The following DISC1 variants were observed in gnomAD, a reference collection of about 807,000 sequenced individuals.
The protein encoded by DISC1 is disrupted in schizophrenia 1 protein.
In DISC1, 57 loss-of-function variants were observed where a neutral mutation model predicts 84.5. The ratio of observed to expected loss-of-function variants is 0.67; its 90% CI spans 0.55 to 0.84. The LOEUF (loss-of-function observed/expected upper bound fraction) is 0.84. Among genes scored for constraint, DISC1 ranks in the 40% least tolerant of loss-of-function variants. The pLI is 0.00. For synonymous variants in DISC1, 411 were observed against 415.2 expected (o/e 0.99, Z 0.12); for missense variants, 1,000 against 1,057.8 (o/e 0.95, Z 0.76).
chr1:231,800,207 T>C lies in DISC1; in HGVS notation c.1789T>C (p.Ser597Pro). The change falls in exon 8 of 13, where the codon TCA becomes CCA. Residue 597 changes from serine to proline, a missense_variant. Around this residue, in one of 3 missense-constraint regions of DISC1, gnomAD observed 397 missense variants for 377.5 expected, o/e 1.05. Transcript: ENST00000439617. ...ALLEAKMHAI[S>P]GNHFWTAKDL... is the part of the protein sequence containing the mutation. Reference sequence around the variant, plus strand: ...GCTTGAAGCCAAAATGCATGCCATATCAGGTAACTGGCAGTGTAGGAGACG... The same window carrying C: ...GCTTGAAGCCAAAATGCATGCCATACCAGGTAACTGGCAGTGTAGGAGACG... The C allele has an allele frequency of 6.2e-7, 1 of 1,611,074 alleles. No homozygotes were observed. Among genetic ancestry groups the C allele is most frequent in the Non-Finnish European group, 8.5e-7 (1 of 1,178,808 alleles).
At chr1:231,672,630 T>A (rs1314758134) in intron 1 of DISC1, among the ~76,000 whole-genome samples, 1 of 152,192 alleles carries the variant, frequency 6.6e-6, no homozygotes, top group African/African-American at 2.4e-5. Context: ...CTTCTTGACA[T>A]TTTTCTTATT....
Position 231,958,876 on chromosome 1 carries a change from A to G in DISC1, c.2030A>G (p.Asn677Ser), listed in dbSNP as rs759550751. The G allele has an allele frequency of 1.2e-6, 2 of 1,613,642 alleles. No homozygotes were observed. Among genetic ancestry groups the G allele is most frequent in the South Asian group, 1.1e-5 (1 of 90,976 alleles). The change falls in exon 10 of 13, where the codon AAT becomes AGT. Residue 677 changes from asparagine to serine, a missense_variant. By Grantham distance (46) the Asn-to-Ser change is conservative. Transcript: ENST00000439617. Reference protein sequence around the residue: ...NTMKYMETLKNKLCSCKCPLL... With the variant: ...NTMKYMETLKSKLCSCKCPLL... ...ATGAAGTACATGGAAACACTTAAGAATAAACTGTGCAGGTAAGGATAATAA... is the reference window on the plus strand; with the variant it reads ...ATGAAGTACATGGAAACACTTAAGAGTAAACTGTGCAGGTAAGGATAATAA...
chr1:231,644,410 C>T (rs558514209), intron 1 of DISC1, among the ~76,000 whole-genome samples: 1 of 152,318 alleles, frequency 6.6e-6, no homozygotes, highest in Admixed American at 6.5e-5. Flanking sequence ...TTCTCGCCAG[C>T]TCATTTGCTG....
At chr1:231,751,383 T>C (rs1477919383) in intron 4 of DISC1, among the ~76,000 whole-genome samples, 1 of 152,236 alleles carries the variant, frequency 6.6e-6, no homozygotes, top group Non-Finnish European at 1.5e-5. Flanking sequence ...TTCATAACAG[T>C]TACTAAATGC....
chr1:231,762,169 T>G (rs2075733798), intron 4 of DISC1, among the ~76,000 whole-genome samples: 1 of 124,396 alleles, frequency 8.0e-6, no homozygotes, highest in African/African-American at 3.1e-5. Flanking sequence ...CTTTCTTTCT[T>G]TCCCTTCCTT....
At chr1:231,752,324 C>T (rs1021510079) in intron 4 of DISC1, among the ~76,000 whole-genome samples, 10 of 152,112 alleles carry the variant, frequency 6.6e-5, no homozygotes, top group Admixed American at 2.0e-4. Flanking sequence ...CCTCAGTAAA[C>T]TTACAATCAT....
intron 1 of DISC1, among the ~76,000 whole-genome samples, chr1:231,689,125 A>C (rs1459393255): frequency 6.6e-6 from 1 of 152,194 alleles, no homozygotes; most frequent in Admixed American, 6.5e-5. Flanking sequence ...GATGGGATTA[A>C]AATTCCTTCC....
rs1659155277 is a variant in DISC1, at chr1:231,954,913, G to C, written c.1982-3915G>C. ...CCAAAGAAAGTAATAGTTCAACATA[G>C]CATTCTCCTTAGATGGCAGCCTCCA... On this transcript the variant is annotated intron_variant, in intron 9 of 12. Coordinates refer to ENST00000439617, the MANE Select transcript of DISC1 (RefSeq NM_018662.3). The surrounding 1 kb of genome is among the most constrained non-coding windows in gnomAD (Gnocchi z 4.8). Among the ~76,000 whole-genome samples the C allele has an allele frequency of 1.3e-5, 2 of 152,192 alleles. No individual in the cohort carries two copies. The highest frequency in any genetic ancestry group is 1.3e-4 in the Admixed American group (2 of 15,278).
chr1:231,706,328 C>CT (rs2067088805), intron 3 of DISC1, among the ~76,000 whole-genome samples: 1 of 152,150 alleles, frequency 6.6e-6, no homozygotes. Flanking sequence ...GTGGTCAGTA[C>CT]TGGAGATAAG....
At chr1:231,883,985 A>T (rs1170918112) in intron 9 of DISC1, among the ~76,000 whole-genome samples, 1 of 152,078 alleles carries the variant, frequency 6.6e-6, no homozygotes, top group Admixed American at 6.5e-5. Context: ...GTCTGACATG[A>T]CAAATCCTGA....
chr1:231,673,497 T>C (rs2062825122), intron 1 of DISC1, among the ~76,000 whole-genome samples: 2 of 152,086 alleles, frequency 1.3e-5, no homozygotes, highest in Non-Finnish European at 2.9e-5. Flanking sequence ...CTGGCTTTCT[T>C]CTTGGCTATT....
chr1:232,002,361 T>C (rs1013789060), intron 10 of DISC1, among the ~76,000 whole-genome samples: 3 of 152,262 alleles, frequency 2.0e-5, no homozygotes, highest in Middle Eastern at 3.4e-3. Flanking sequence ...AACCCAGCAA[T>C]TGTGCTGTTG....
At chr1:231,907,942 T>G (rs572606468) in intron 9 of DISC1, among the ~76,000 whole-genome samples, 1 of 152,254 alleles carries the variant, frequency 6.6e-6, no homozygotes, top group Admixed American at 6.5e-5. Flanking sequence ...TGAACATTTT[T>G]TCATGTGTCT....
intron 1 of DISC1, among the ~76,000 whole-genome samples, chr1:231,680,859 G>A (rs2063616858): frequency 6.6e-5 from 10 of 152,168 alleles, no homozygotes; most frequent in Admixed American, 5.9e-4. Flanking sequence ...ATAAAATATG[G>A]CATTAAAAAG....
In DISC1 at chr1:231,693,953, C is replaced by A. The variant is rs561467531; in HGVS notation, c.195C>A (p.Phe65Leu). Reference sequence around the variant, plus strand: ...TTTCCCCAGCAGTGGGCACACTGTTCCGGTTCCCAGGAGGGGTGTCTGGCG... The same window carrying A: ...TTTCCCCAGCAGTGGGCACACTGTTACGGTTCCCAGGAGGGGTGTCTGGCG... ...GFLSPAVGTLFRFPGGVSGEE... is the reference protein window; with the variant it reads ...GFLSPAVGTLLRFPGGVSGEE... Residue 65 changes from phenylalanine (F) to leucine (L), a missense_variant, in exon 2 of 13, where the codon TTC (phenylalanine) becomes TTA (leucine). Phe to Leu is a conservative substitution (Grantham distance 22). Around this residue, in one of 3 missense-constraint regions of DISC1, gnomAD observed 292 missense variants for 280.2 expected, o/e 1.04. Transcript: ENST00000439617. 1 of 1,614,132 alleles carries A rather than the reference C, an allele frequency of 6.2e-7. No homozygotes were observed. Among genetic ancestry groups the A allele is most frequent in the Admixed American group, 1.7e-5 (1 of 60,018 alleles).
chr1:231,941,680 C>T (rs1468127822), intron 9 of DISC1, among the ~76,000 whole-genome samples: 1 of 152,024 alleles, frequency 6.6e-6, no homozygotes, highest in East Asian at 1.9e-4. Context: ...ACCATGTTGG[C>T]CAGGATGGTC....
chr1:231,836,854 T>A lies in DISC1; in HGVS notation c.1981+18337T>A, dbSNP rs2082668590. 2.0e-5 allele frequency among the ~76,000 whole-genome samples: 3 copies of A among 149,702 alleles called. No individual in the cohort carries two copies. In the South Asian group the frequency reaches 6.6e-4, roughly 33 times the overall value. ...CCGTGTGATCTGAGTCGGGCCCCAC[T>A]GACTTTCCTGTACACACATCCTCTG... On this transcript the variant is annotated intron_variant, in intron 9 of 12. Transcript: ENST00000439617.
intron 9 of DISC1, among the ~76,000 whole-genome samples, chr1:231,909,383 G>T (rs1162952051): frequency 6.6e-6 from 1 of 152,250 alleles, no homozygotes; most frequent in Admixed American, 6.5e-5. Flanking sequence ...AGCATGAAGG[G>T]CTGTTGAATT....
intron 1 of DISC1, among the ~76,000 whole-genome samples, chr1:231,677,196 T>C (rs1389272789): frequency 1.3e-5 from 2 of 152,254 alleles, no homozygotes; most frequent in Admixed American, 6.5e-5. Flanking sequence ...TCTCTGTTTT[T>C]CTATTCGCCC....
Sources: gnomAD v4.1 joint callset for allele counts (sites outside exome capture counted in the v4.1 genomes callset) on GRCh38, gnomAD v4.1.1 for gene constraint, gnomAD v4.1.1 regional missense constraint, Gnocchi (gnomAD v3.1) non-coding constraint, MANE v1.5 for transcripts, NCBI Gene and HGNC (gene_info 2026-07-23, HGNC 2026-07-21) for gene names.